TRPM4: variants seen among roughly 807,000 people sequenced by gnomAD.
The protein encoded by TRPM4 is calcium-activated non-selective cation channel 1.
TRPM4 carries 124 observed loss-of-function variants against 135.6 expected under a neutral mutation model. The ratio of observed to expected loss-of-function variants is 0.91; its 90% confidence interval spans 0.79 to 1.06. TRPM4 has a LOEUF of 1.06. Among genes scored for constraint, TRPM4 ranks in the 50% least tolerant of loss-of-function variants. The pLI, the probability that TRPM4 is intolerant of heterozygous loss-of-function variation, is 0.00. For synonymous variants in TRPM4, 745 were observed against 705.6 expected (o/e 1.06, Z -0.88); for missense variants, 1,658 against 1,671.4 (o/e 0.99, Z 0.14).
At chr19:49,208,435 C>T (rs1969230349) in intron 20 of TRPM4, among the ~76,000 whole-genome samples, 1 of 152,088 alleles carries the variant, frequency 6.6e-6, no homozygotes, top group Admixed American at 6.6e-5. Flanking sequence ...GGGAATCTTC[C>T]CAGATGCTGG....
At position 49,171,612 on chromosome 19, in the gene TRPM4, G is replaced by A. The variant is rs752132967; in HGVS notation, c.893G>A (p.Cys298Tyr). 1.9e-6 allele frequency: 3 copies of A among 1,614,128 alleles called. No individual in the cohort carries two copies. The highest frequency in any genetic ancestry group is 1.7e-5 in the Admixed American group (1 of 60,022). The change falls in exon 8 of 25, where the codon TGT becomes TAT. Residue 298 changes from cysteine to tyrosine, a missense_variant. Around this residue, in one of 3 missense-constraint regions of TRPM4, gnomAD observed 1,412 missense variants for 1,408.7 expected, o/e 1.00. Transcript: ENST00000252826. The surrounding 1 kb of genome is among the most constrained non-coding windows in gnomAD (Gnocchi z 4.7). ...IENATQAQLPCLLVAGSGGAA... is the reference protein window; with the variant it reads ...IENATQAQLPYLLVAGSGGAA... Reference sequence around the variant, plus strand: ...AACGCCACCCAGGCTCAGCTCCCATGTCTCCTCGTGGCTGGCTCAGGGGGA... The same window carrying A: ...AACGCCACCCAGGCTCAGCTCCCATATCTCCTCGTGGCTGGCTCAGGGGGA...
chr19:49,206,675 G>C (rs1057085187), intron 20 of TRPM4, among the ~76,000 whole-genome samples: 1 of 152,112 alleles, frequency 6.6e-6, no homozygotes, highest in Non-Finnish European at 1.5e-5. Flanking sequence ...CCGACCTCAG[G>C]TGATCCACCC....
chr19:49,211,624 G>T lies in TRPM4; in HGVS notation c.*126G>T. 1 of 1,249,264 alleles carries T rather than the reference G, an allele frequency of 8.0e-7. No homozygotes were observed. Among genetic ancestry groups the T allele is most frequent in the Non-Finnish European group, 1.2e-6 (1 of 856,592 alleles). 77.4% of individuals were successfully genotyped at this position (1,249,264 alleles called of 1,614,324 possible). ...TGAGGTGAGCCCCATGTCCATCTGG[G>T]CCACTGTCAGGACCACCTTTGGGAG... On this transcript the variant is annotated 3_prime_UTR_variant, in exon 25 of 25. Transcript: ENST00000252826. The surrounding 1 kb of genome is among the most constrained non-coding windows in gnomAD (Gnocchi z 4.8).
Position 49,188,666 on chromosome 19 carries a change from T to A in TRPM4, c.1769T>A (p.Leu590His). 1 of 1,614,200 alleles carries A rather than the reference T, an allele frequency of 6.2e-7. No individual in the cohort carries two copies. Among genetic ancestry groups the A allele is most frequent in the South Asian group, 1.1e-5 (1 of 91,076 alleles). ...GGTTCCAATGCAGTTTCCTCAGCTC[T>A]TGGGGCCTGTTTGCTGCTCCGGGTG... is the stretch of plus-strand genomic sequence containing the variant. The part of the protein sequence containing the change: ...EMGSNAVSSA[L>H]GACLLLRVMA... The change falls in exon 13 of 25, where the codon CTT becomes CAT. Residue 590 changes from leucine to histidine, a missense_variant. Leu to His is a moderately conservative substitution (Grantham distance 99). Coordinates refer to ENST00000252826, the MANE Select transcript of TRPM4 (RefSeq NM_017636.4).
At chr19:49,183,021 G>A in intron 11 of TRPM4, 57 bp from the exon 12 acceptor site, 3 of 1,604,484 alleles carry the variant, frequency 1.9e-6, no homozygotes, top group Non-Finnish European at 2.5e-6. Context: ...AGGCAGGGCT[G>A]GTGGTGGCCA....
At chr19:49,186,355 G>C (rs373334996) in intron 12 of TRPM4, among the ~76,000 whole-genome samples, 59 of 152,352 alleles carry the variant, frequency 3.9e-4, no homozygotes, top group African/African-American at 1.4e-3. Context: ...CCAGATGTAA[G>C]AGCTTCAGGT....
At position 49,211,230 on chromosome 19, in the gene TRPM4, C is replaced by A; in HGVS notation, c.3601C>A (p.Pro1201Thr). 2 of 1,592,816 alleles carry A rather than the reference C, an allele frequency of 1.3e-6. No individual in the cohort carries two copies. The highest frequency in any genetic ancestry group is 4.6e-5 in the East Asian group (2 of 43,946). ...EALSRSALLPPGGPPPPDLPG... is the reference protein window; with the variant it reads ...EALSRSALLPTGGPPPPDLPG... ...CCTGAGCCGCTCTGCCTTGCTGCCCCCAGGTGGGCCGCCACCCCCTGACCT... is the reference window on the plus strand; with the variant it reads ...CCTGAGCCGCTCTGCCTTGCTGCCCACAGGTGGGCCGCCACCCCCTGACCT... Residue 1201 changes from proline to threonine, a missense_variant, in exon 24 of 25, where the codon CCA becomes ACA. Physicochemically the swap from Pro to Thr is conservative, Grantham distance 38. Coordinates refer to ENST00000252826, the MANE Select transcript of TRPM4 (RefSeq NM_017636.4). The surrounding 1 kb of genome is among the most constrained non-coding windows in gnomAD (Gnocchi z 4.8).
intron 12 of TRPM4, among the ~76,000 whole-genome samples, chr19:49,188,201 C>T (rs1968268167): frequency 6.6e-6 from 1 of 152,118 alleles, no homozygotes; most frequent in African/African-American, 2.4e-5. Context: ...TCAGCCTATG[C>T]CCAGGAATGA....
intron 2 of TRPM4, among the ~76,000 whole-genome samples, chr19:49,164,682 TCTTGCTTGCTTG>T (rs113888558): frequency 4.5e-4 from 65 of 144,654 alleles, no homozygotes; most frequent in Middle Eastern, 3.8e-3. Flanking sequence ...GCGCCCGGCC[TCTTGCTTGCTTG>T]CTTGCTTGCT....
At chr19:49,190,407 C>A in intron 15 of TRPM4, 87 bp downstream of exon 15, 1 of 1,205,186 alleles carries the variant, frequency 8.3e-7, no homozygotes, top group Non-Finnish European at 1.2e-6. Flanking sequence ...TTTCTTCCCT[C>A]ATCGGCCCAT....
chr19:49,200,439 C>G lies in TRPM4; in HGVS notation c.2778+7C>G, dbSNP rs754161584. 1.2e-6 allele frequency: 2 copies of G among 1,602,946 alleles called. No homozygotes were observed. The highest frequency in any genetic ancestry group is 3.4e-5 in the Admixed American group (2 of 59,088). The stretch of plus-strand genomic sequence containing the variant: ...CGTCATCGTGAGCAAGATGGTGAGG[C>G]AGGGGCGGGGCCAAAGTGGGCGGGG... On this transcript the variant is annotated splice_region_variant and intron_variant, in intron 18 of 24. Coordinates refer to ENST00000252826, the MANE Select transcript of TRPM4 (RefSeq NM_017636.4).
Position 49,182,812 on chromosome 19 carries a change from C to A in TRPM4, c.1498C>A (p.Pro500Thr). Reference protein sequence around the residue: ...ALKGGAAELRPPDVGHVLRML... With the variant: ...ALKGGAAELRTPDVGHVLRML... ...AAAAGGGGGAGCTGCGGAGCTCCGG[C>A]CCCCTGACGTGGGGCATGTGCTGAG... Residue 500 changes from proline (P) to threonine (T), a missense_variant, in exon 11 of 25, where the codon CCC becomes ACC. This residue lies in a region of TRPM4 where 1,412 missense variants were observed against 1,408.7 expected (regional missense o/e 1.00). Coordinates refer to ENST00000252826, the MANE Select transcript of TRPM4 (RefSeq NM_017636.4). 6.2e-7 allele frequency: 1 copy of A among 1,613,048 alleles called. No individual in the cohort carries two copies. The highest frequency in any genetic ancestry group is 2.2e-5 in the East Asian group (1 of 44,874).
intron 6 of TRPM4, 102 bp downstream of exon 6, chr19:49,168,838 C>T: frequency 7.9e-7 from 1 of 1,262,110 alleles, no homozygotes; most frequent in South Asian, 1.3e-5. Flanking sequence ...GGGGAATTAC[C>T]TATGGTTAAG....
At chr19:49,170,394 G>A (rs868374106) in intron 6 of TRPM4, among the ~76,000 whole-genome samples, 1 of 151,838 alleles carries the variant, frequency 6.6e-6, no homozygotes, top group African/African-American at 2.4e-5. Context: ...TCACCATGTT[G>A]GCCAGGCTGG....
At chr19:49,167,220 C>T (rs868328124) in intron 3 of TRPM4, among the ~76,000 whole-genome samples, 1 of 133,732 alleles carries the variant, frequency 7.5e-6, no homozygotes, top group Non-Finnish European at 1.6e-5. Flanking sequence ...GGTCTCTGTC[C>T]CTCTCTCTCT....
At chr19:49,165,172 C>T (rs2122774145) in intron 2 of TRPM4, among the ~76,000 whole-genome samples, 1 of 152,042 alleles carries the variant, frequency 6.6e-6, no homozygotes, top group East Asian at 1.9e-4. Context: ...GGAAACTTTC[C>T]AAATGGAAAC....
At chr19:49,191,879 G>A (rs1452433108) in intron 16 of TRPM4, among the ~76,000 whole-genome samples, 1 of 152,180 alleles carries the variant, frequency 6.6e-6, no homozygotes, top group African/African-American at 2.4e-5. Context: ...CTGAGATACT[G>A]AGGAAGCTTC....
chr19:49,201,955 T>C lies in TRPM4; in HGVS notation c.2954-9T>C. The C allele has an allele frequency of 1.2e-6, 2 of 1,613,326 alleles. No individual in the cohort carries two copies. The highest frequency in any genetic ancestry group is 1.7e-6 in the Non-Finnish European group (2 of 1,179,980). ...CCCTCACCCCATCTCTGAATGTCTCTCTTCACAGTGGCCCTCATGGAGCAC... is the reference window on the plus strand; with the variant it reads ...CCCTCACCCCATCTCTGAATGTCTCCCTTCACAGTGGCCCTCATGGAGCAC... On this transcript the variant is annotated splice_polypyrimidine_tract_variant and intron_variant, in intron 19 of 24. Transcript: ENST00000252826.
At chr19:49,197,104 T>C (rs1968685558) in intron 17 of TRPM4, among the ~76,000 whole-genome samples, 2 of 152,144 alleles carry the variant, frequency 1.3e-5, no homozygotes, top group African/African-American at 4.8e-5. Flanking sequence ...AAAACCCCAC[T>C]GTCCGCCACT....
Sources: allele counts gnomAD v4.1 joint callset (sites outside exome capture counted in the v4.1 genomes callset), GRCh38; gene constraint gnomAD v4.1.1; regional missense constraint gnomAD v4.1.1; non-coding constraint Gnocchi (gnomAD v3.1); transcripts MANE v1.5; gene names NCBI Gene and HGNC (gene_info 2026-07-23, HGNC 2026-07-21).